Variants in SPSB4 observed in about 807,000 individuals in gnomAD.
The protein encoded by SPSB4 is splA/ryanodine receptor domain and SOCS box containing 4, also known as SPRY domain-containing SOCS box protein 4.
In SPSB4, 21 loss-of-function variants were observed where a neutral mutation model predicts 20.9. That is an observed-to-expected ratio of 1.01 (90% CI 0.71 to 1.45). The LOEUF is 1.45. SPSB4 is among the 40% of genes most tolerant of loss of function. SPSB4 has a pLI of 0.00. For missense variants in SPSB4, 399 were observed against 399.2 expected (o/e 1.00, Z 0.00); for synonymous variants, 207 against 183.8 (o/e 1.13, Z -1.02).
chr3:141,066,211 G>T lies in SPSB4; in HGVS notation c.107G>T (p.Arg36Leu). The T allele has an allele frequency of 6.5e-7, 1 of 1,539,526 alleles. No homozygotes were observed. Residue 36 changes from arginine (R) to leucine (L), a missense_variant, in exon 2 of 3, where the codon CGG becomes CTG. Coordinates refer to ENST00000310546, the MANE Select transcript of SPSB4 (RefSeq NM_080862.3). Reference protein sequence around the residue: ...LRGAEPGRPARLDQLLDMPAA... With the variant: ...LRGAEPGRPALLDQLLDMPAA... ...GGTGCAGAGCCCGGGCGGCCGGCGC[G>T]GCTGGACCAGCTGTTGGACATGCCA...
rs1482246729 is a variant in SPSB4, at chr3:141,137,968, CT to C, written c.695-9167del. On this transcript the variant is annotated intron_variant, in intron 2 of 2. Transcript: ENST00000310546. Reference sequence around the variant, plus strand: ...GGCTGTGAATCCATCTGGTCCTGGACTTTTTTTGGTTGGTAAGCTATTAATT... The same window carrying C: ...GGCTGTGAATCCATCTGGTCCTGGACTTTTTTGGTTGGTAAGCTATTAATT... Among the ~76,000 whole-genome samples the C allele has an allele frequency of 2.6e-5, 4 of 152,112 alleles. 1 individual carries two copies. Among genetic ancestry groups the C allele is most frequent in the East Asian group, 1.9e-4 (1 of 5,182 alleles).
chr3:141,094,389 GGA>G (rs1354137576), intron 2 of SPSB4, among the ~76,000 whole-genome samples: 2 of 152,168 alleles, frequency 1.3e-5, no homozygotes, highest in African/African-American at 4.8e-5. Flanking sequence ...GACATCCAGG[GGA>G]GAGTCTCTGC....
At chr3:141,062,125 G>T (rs949923794) in intron 1 of SPSB4, among the ~76,000 whole-genome samples, 3 of 152,124 alleles carry the variant, frequency 2.0e-5, no homozygotes, top group Admixed American at 2.0e-4. Context: ...CACTATGATG[G>T]TTTCTCAGAC....
At chr3:141,069,694 T>G (rs1041373414) in intron 2 of SPSB4, among the ~76,000 whole-genome samples, 63 of 152,196 alleles carry the variant, frequency 4.1e-4, no homozygotes, top group African/African-American at 1.5e-3. Flanking sequence ...TTTCTGAACT[T>G]CAGTGTTCTC....
chr3:141,122,314 C>G (rs1328584434), intron 2 of SPSB4, among the ~76,000 whole-genome samples: 1 of 152,148 alleles, frequency 6.6e-6, no homozygotes, highest in Non-Finnish European at 1.5e-5. Flanking sequence ...GGGTACCTGC[C>G]TGTATGAGGT....
In SPSB4 at chr3:141,066,302, C is replaced by T. The variant is rs758573400; in HGVS notation, c.198C>T (p.Phe66=). 1.3e-6 allele frequency: 2 copies of T among 1,573,664 alleles called. No homozygotes were observed. Among genetic ancestry groups the T allele is most frequent in the Non-Finnish European group, 1.7e-6 (2 of 1,161,390 alleles). ...WNPEDRSLNV[F]VKDDDRLTFH... The stretch of plus-strand genomic sequence containing the variant: ...CCGAGGACCGCTCGCTCAACGTCTT[C>T]GTCAAGGACGACGACCGGCTCACCT... The change falls in exon 2 of 3, where the codon TTC becomes TTT. Residue 66 remains phenylalanine, a synonymous_variant. Coordinates refer to ENST00000310546, the MANE Select transcript of SPSB4 (RefSeq NM_080862.3).
intron 2 of SPSB4, among the ~76,000 whole-genome samples, chr3:141,107,594 T>C (rs62283594): frequency 0.015 from 2,231 of 152,342 alleles, 34 homozygotes; most frequent in Non-Finnish European, 0.024. Flanking sequence ...GTCTTGCATG[T>C]GAATATCATC....
At chr3:141,068,035 TG>T (rs1461610703) in intron 2 of SPSB4, among the ~76,000 whole-genome samples, 5 of 152,204 alleles carry the variant, frequency 3.3e-5, no homozygotes, top group Admixed American at 3.3e-4. Flanking sequence ...GATGAGGGAC[TG>T]AGAGTAACAC....
intron 2 of SPSB4, among the ~76,000 whole-genome samples, chr3:141,105,401 C>G (rs1473058788): frequency 6.6e-6 from 1 of 152,280 alleles, no homozygotes; most frequent in African/African-American, 2.4e-5. Context: ...ATTGGTAGAT[C>G]TGCTTCCCTT....
At chr3:141,089,874 C>T (rs1938417446) in intron 2 of SPSB4, among the ~76,000 whole-genome samples, 1 of 152,176 alleles carries the variant, frequency 6.6e-6, no homozygotes, top group Non-Finnish European at 1.5e-5. Context: ...GGGAAAGTCA[C>T]TCTAGGTCCT....
intron 1 of SPSB4, among the ~76,000 whole-genome samples, chr3:141,059,108 T>A (rs1937712371): frequency 6.6e-6 from 1 of 151,976 alleles, no homozygotes; most frequent in Non-Finnish European, 1.5e-5. Context: ...AAAAAGCAGA[T>A]CAGTAAGGCC....
chr3:141,136,498 C>T lies in SPSB4; in HGVS notation c.695-10644C>T, dbSNP rs577242943. Reference sequence around the variant, plus strand: ...GTCTAACATGTAAGTCTTTAATCCACCTTGAATTAATTTTTGTATAAGGTG... The same window carrying T: ...GTCTAACATGTAAGTCTTTAATCCATCTTGAATTAATTTTTGTATAAGGTG... On this transcript the variant is annotated intron_variant, in intron 2 of 2. Coordinates refer to ENST00000310546, the MANE Select transcript of SPSB4 (RefSeq NM_080862.3). 1.3e-4 allele frequency among the ~76,000 whole-genome samples: 20 copies of T among 152,214 alleles called. No homozygotes were observed. In the South Asian group the frequency reaches 4.2e-3, roughly 32 times the overall value.
At chr3:141,075,106 G>A (rs1195805770) in intron 2 of SPSB4, among the ~76,000 whole-genome samples, 1 of 100,270 alleles carries the variant, frequency 1.0e-5, no homozygotes, top group Non-Finnish European at 1.7e-5. Context: ...CAGAAACAAG[G>A]GAGTGAGAAT....
At chr3:141,072,833 A>C (rs1229019665) in intron 2 of SPSB4, among the ~76,000 whole-genome samples, 1 of 152,188 alleles carries the variant, frequency 6.6e-6, no homozygotes, top group African/African-American at 2.4e-5. Flanking sequence ...TCCTGCTGGC[A>C]GCCACTATTA....
At chr3:141,128,897 G>A (rs969810420) in intron 2 of SPSB4, among the ~76,000 whole-genome samples, 13 of 152,066 alleles carry the variant, frequency 8.5e-5, no homozygotes, top group Non-Finnish European at 1.2e-4. Context: ...CTCTTTTTCT[G>A]GAGGTGGGTA....
chr3:141,070,495 A>C (rs1420031449), intron 2 of SPSB4, among the ~76,000 whole-genome samples: 3 of 152,070 alleles, frequency 2.0e-5, no homozygotes, highest in Non-Finnish European at 4.4e-5. Context: ...CACTCCTGGC[A>C]TATATATAAA....
intron 2 of SPSB4, among the ~76,000 whole-genome samples, chr3:141,118,074 G>A (rs557947841): frequency 6.6e-6 from 1 of 152,288 alleles, no homozygotes; most frequent in African/African-American, 2.4e-5. Context: ...TTGAGGAATC[G>A]CCACACTGCC....
chr3:141,069,116 G>A (rs552777600), intron 2 of SPSB4, among the ~76,000 whole-genome samples: 1 of 152,306 alleles, frequency 6.6e-6, no homozygotes, highest in Non-Finnish European at 1.5e-5. Flanking sequence ...CAGTGATAGG[G>A]TTGGCTTATC....
At chr3:141,062,947 T>C (rs1359249555) in intron 1 of SPSB4, among the ~76,000 whole-genome samples, 1 of 152,208 alleles carries the variant, frequency 6.6e-6, no homozygotes, top group Non-Finnish European at 1.5e-5. Flanking sequence ...TTTGGTCCAC[T>C]GGTCCATCAT....
Sources: allele counts gnomAD v4.1 joint callset (sites outside exome capture counted in the v4.1 genomes callset), GRCh38; gene constraint gnomAD v4.1.1; transcripts MANE v1.5; gene names NCBI Gene and HGNC (gene_info 2026-07-23, HGNC 2026-07-21).